Variants in AK4 observed in about 807,000 individuals in gnomAD.
AK4 encodes adenylate kinase 4, mitochondrial.
AK4 carries 13 observed loss-of-function variants against 24.6 expected under a neutral mutation model. The observed-to-expected ratio is 0.53, with a 90% CI of 0.34 to 0.84. The LOEUF is 0.84. AK4 is among the 40% of genes least tolerant of loss of function. The pLI, the probability that AK4 is intolerant of heterozygous loss-of-function variation, is 0.01. For missense variants in AK4, 192 were observed against 288.2 expected, an observed-to-expected ratio of 0.67 and a Z score of 2.42; for synonymous variants, 88 against 107.0, an observed-to-expected ratio of 0.82 and a Z score of 1.10.
At chr1:65,161,679 T>G (rs1413130249) in intron 1 of AK4, among the ~76,000 whole-genome samples, 4 of 152,250 alleles carry the variant, frequency 2.6e-5, no homozygotes, top group Non-Finnish European at 5.9e-5. Flanking sequence ...TCAGTTATTG[T>G]CTGTTGCCAT....
intron 2 of AK4, among the ~76,000 whole-genome samples, chr1:65,212,753 G>A (rs1358202105): frequency 3.3e-5 from 5 of 152,150 alleles, no homozygotes; most frequent in East Asian, 1.9e-4. Flanking sequence ...CAGCAGCATC[G>A]TTGCATAGAA....
intron 1 of AK4, among the ~76,000 whole-genome samples, chr1:65,178,794 C>T (rs553021436): frequency 3.9e-5 from 6 of 152,252 alleles, no homozygotes; most frequent in South Asian, 2.1e-4. Flanking sequence ...GAACCACAGT[C>T]GCACTTGACT....
chr1:65,156,703 C>T (rs1170392685), intron 1 of AK4, among the ~76,000 whole-genome samples: 1 of 151,804 alleles, frequency 6.6e-6, no homozygotes, highest in Non-Finnish European at 1.5e-5. Flanking sequence ...GCGGGCAGAT[C>T]ATGAGGTCAG....
chr1:65,224,842 G>C lies in AK4; in HGVS notation c.529G>C (p.Val177Leu), dbSNP rs778627421. 6.2e-7 allele frequency: 1 copy of C among 1,613,700 alleles called. No homozygotes were observed. Among genetic ancestry groups the C allele is most frequent in the East Asian group, 2.2e-5 (1 of 44,858 alleles). ...TGCCAGGCTAAGACAGTACAAAGAC[G>C]TGGCAAAGCCAGTCATTGAATTATA... ...VAARLRQYKD[V>L]AKPVIELYKS... The change falls in exon 4 of 5, where the codon GTG becomes CTG. Residue 177 changes from valine to leucine, a missense_variant. Transcript: ENST00000327299.
intron 3 of AK4, among the ~76,000 whole-genome samples, chr1:65,221,915 G>T (rs1416638902): frequency 6.6e-6 from 1 of 152,156 alleles, no homozygotes; most frequent in Non-Finnish European, 1.5e-5. Context: ...TATACCCTGG[G>T]GTTCGTCATC....
rs575156625 is a variant in AK4, at chr1:65,203,649, C to T, written c.265+12820C>T. 1.8e-3 allele frequency among the ~76,000 whole-genome samples: 272 copies of T among 152,116 alleles called. 8 individuals carry two copies. In the South Asian group the frequency reaches 0.055, roughly 31 times the overall value. Reference sequence around the variant, plus strand: ...TGAAACCCCATCTCTACTAAAAATACAAAAATTAGCCAGGCGTGGTGGTGT... The same window carrying T: ...TGAAACCCCATCTCTACTAAAAATATAAAAATTAGCCAGGCGTGGTGGTGT... On this transcript the variant is annotated intron_variant, in intron 2 of 4. Coordinates refer to ENST00000327299, the MANE Select transcript of AK4 (RefSeq NM_013410.4).
rs56067788 is a variant in AK4 at position 65,183,650 on chromosome 1, C to CGTGTGT, written c.146-7021_146-7016dup. Among the ~76,000 whole-genome samples the CGTGTGT allele has an allele frequency of 2.7e-3, 383 of 140,790 alleles. 3 individuals are homozygous for CGTGTGT. The highest frequency in any genetic ancestry group is 9.3e-3 in the African/African-American group (357 of 38,348). The allele number at this position is 140,790 out of a possible 152,430, so 92.4% of individuals were successfully genotyped here. A position where few individuals can be genotyped will look rare whatever the true frequency, so the allele number is the denominator to read the frequency against. Reference sequence around the variant, plus strand: ...ATGGATTTTGTGCTATATAAATATCCGTGTGTGTGTGTGTGTGTGTGTGTG... The same window carrying CGTGTGT: ...ATGGATTTTGTGCTATATAAATATCCGTGTGTGTGTGTGTGTGTGTGTGTGTGTGTG... On this transcript the variant is annotated intron_variant, in intron 1 of 4. Transcript: ENST00000327299.
At chr1:65,198,386 T>G (rs960528764) in intron 2 of AK4, among the ~76,000 whole-genome samples, 3 of 152,246 alleles carry the variant, frequency 2.0e-5, no homozygotes, top group African/African-American at 7.2e-5. Context: ...TGTAGCTCTG[T>G]TCATTCAGTA....
At chr1:65,169,955 T>C (rs923614288) in intron 1 of AK4, among the ~76,000 whole-genome samples, 2 of 152,152 alleles carry the variant, frequency 1.3e-5, no homozygotes, top group Non-Finnish European at 2.9e-5. Flanking sequence ...TTGGTATTTG[T>C]TATTAGTGAT....
At chr1:65,205,784 CTA>C (rs1266032322) in intron 2 of AK4, among the ~76,000 whole-genome samples, 4 of 152,134 alleles carry the variant, frequency 2.6e-5, no homozygotes, top group African/African-American at 9.7e-5. Flanking sequence ...ATTCTATTGA[CTA>C]TTTTTTGTCT....
chr1:65,161,883 C>T (rs1488206893), intron 1 of AK4, among the ~76,000 whole-genome samples: 2 of 152,016 alleles, frequency 1.3e-5, no homozygotes, highest in African/African-American at 2.4e-5. Context: ...GAGATTGTGG[C>T]GTTAGAGGCC....
At chr1:65,207,104 A>G (rs956985936) in intron 2 of AK4, among the ~76,000 whole-genome samples, 1 of 152,200 alleles carries the variant, frequency 6.6e-6, no homozygotes, top group Non-Finnish European at 1.5e-5. Context: ...GTTTAAAACC[A>G]AATTTTCTGG....
At chr1:65,152,352 C>CTA (rs1649807794) in intron 1 of AK4, among the ~76,000 whole-genome samples, 47 of 42,822 alleles carry the variant, frequency 1.1e-3, no homozygotes, top group South Asian at 2.8e-3. Context: ...CTCTCTCTCT[C>CTA]TCTCTCTCTA....
intron 1 of AK4, among the ~76,000 whole-genome samples, chr1:65,155,750 A>G (rs1570061430): frequency 6.6e-6 from 1 of 151,466 alleles, no homozygotes; most frequent in African/African-American, 2.4e-5. Context: ...GCTCGCTGCA[A>G]CCTCCACCTC....
chr1:65,210,220 C>T (rs1240468773), intron 2 of AK4, among the ~76,000 whole-genome samples: 3 of 152,082 alleles, frequency 2.0e-5, no homozygotes, highest in Non-Finnish European at 2.9e-5. Flanking sequence ...ACACAGCACC[C>T]CAAACTTTGG....
chr1:65,226,379 C>CACCTTAA lies in AK4; in HGVS notation c.*204_*205insCTTAAAC. The CACCTTAA allele has an allele frequency of 1.3e-6, 1 of 758,450 alleles. No homozygotes were observed. Among genetic ancestry groups the CACCTTAA allele is most frequent in the Non-Finnish European group, 2.1e-6 (1 of 487,252 alleles). 47.0% of individuals were successfully genotyped at this position (758,450 alleles called of 1,614,324 possible). A position where few individuals can be genotyped will look rare whatever the true frequency, so the allele number is the denominator to read the frequency against. On this transcript the variant is annotated 3_prime_UTR_variant, in exon 5 of 5. Coordinates refer to ENST00000327299, the MANE Select transcript of AK4 (RefSeq NM_013410.4). ...TGCCTTTCAAAAGGCTGGTCACCTA[C>CACCTTAA]ACATGTTTAAGGTGTCTCTGCACAT... is the stretch of plus-strand genomic sequence containing the variant.
At chr1:65,182,140 C>CA in intron 1 of AK4, among the ~76,000 whole-genome samples, 1 of 152,286 alleles carries the variant, frequency 6.6e-6, no homozygotes, top group African/African-American at 2.4e-5. Flanking sequence ...CAGTTGGTCT[C>CA]AAACTCCTGG....
At chr1:65,196,247 A>T (rs1042867873) in intron 2 of AK4, among the ~76,000 whole-genome samples, 11 of 152,008 alleles carry the variant, frequency 7.2e-5, no homozygotes, top group African/African-American at 2.7e-4. Context: ...ATGACAGATG[A>T]CTCATCATCT....
chr1:65,206,122 TTATG>T (rs1414422284), intron 2 of AK4, among the ~76,000 whole-genome samples: 9 of 152,304 alleles, frequency 5.9e-5, no homozygotes, highest in African/African-American at 2.2e-4. Flanking sequence ...CATTATGTAT[TTATG>T]AGCATATTCG....
Sources: allele counts gnomAD v4.1 joint callset (sites outside exome capture counted in the v4.1 genomes callset), GRCh38; gene constraint gnomAD v4.1.1; transcripts MANE v1.5; gene names NCBI Gene and HGNC (gene_info 2026-07-23, HGNC 2026-07-21).